NLGN1: variants seen among roughly 807,000 people sequenced by gnomAD.
The protein encoded by NLGN1 is neuroligin-1.
NLGN1 carries 12 observed loss-of-function variants against 65.5 expected under a neutral mutation model. The ratio of observed to expected loss-of-function variants is 0.18; its 90% CI spans 0.12 to 0.30. The LOEUF (loss-of-function observed/expected upper bound fraction) is 0.30, where lower values mean the gene tolerates loss of function less well. NLGN1 is among the 10% of genes least tolerant of loss of function. NLGN1 has a pLI of 1.00. For synonymous variants in NLGN1, 350 were observed against 359.5 expected (o/e 0.97, Z 0.30); for missense variants, 750 against 1,007.1 (o/e 0.74, Z 3.46).
chr3:173,791,315 A>G (rs138768679), intron 3 of NLGN1, among the ~76,000 whole-genome samples: 247 of 152,278 alleles, frequency 1.6e-3, no homozygotes, highest in African/African-American at 5.7e-3. Context: ...ATGACTATCC[A>G]TTAGCCCTAG....
chr3:173,658,221 A>T (rs1055436999), intron 3 of NLGN1, among the ~76,000 whole-genome samples: 2 of 151,998 alleles, frequency 1.3e-5, no homozygotes, highest in Non-Finnish European at 2.9e-5. Flanking sequence ...TTGCAGATAG[A>T]TGTCCTAACT....
chr3:173,648,745 T>C (rs1758671184), intron 3 of NLGN1, among the ~76,000 whole-genome samples: 1 of 152,070 alleles, frequency 6.6e-6, no homozygotes, highest in Non-Finnish European at 1.5e-5. Context: ...CAGCTAATTT[T>C]TGTATTTTTA....
At chr3:174,082,630 T>C (rs1742469499) in intron 4 of NLGN1, among the ~76,000 whole-genome samples, 1 of 151,886 alleles carries the variant, frequency 6.6e-6, no homozygotes, top group African/African-American at 2.4e-5. Context: ...AGATTGGAGC[T>C]TTGTTTTAAA....
intron 4 of NLGN1, among the ~76,000 whole-genome samples, chr3:174,075,178 G>T: frequency 6.6e-6 from 1 of 151,966 alleles, no homozygotes; most frequent in East Asian, 1.9e-4. Context: ...TTCTTACAAT[G>T]GTCGAACTTA....
At chr3:173,890,174 C>T (rs1735070383) in intron 4 of NLGN1, among the ~76,000 whole-genome samples, 1 of 152,078 alleles carries the variant, frequency 6.6e-6, no homozygotes, top group Non-Finnish European at 1.5e-5. Context: ...ACTTGGGTTG[C>T]AGGAGGAAAT....
chr3:174,081,802 C>A (rs1422264940), intron 4 of NLGN1, among the ~76,000 whole-genome samples: 1 of 152,088 alleles, frequency 6.6e-6, no homozygotes, highest in Non-Finnish European at 1.5e-5. Flanking sequence ...AACTCCCGAT[C>A]TCAGGTGATC....
At chr3:173,618,862 A>G (rs1442942921) in intron 3 of NLGN1, among the ~76,000 whole-genome samples, 3 of 152,092 alleles carry the variant, frequency 2.0e-5, no homozygotes, top group African/African-American at 7.2e-5. Context: ...TGGCAGCGAG[A>G]TCAACTGGAT....
chr3:174,017,323 T>G (rs546991860), intron 4 of NLGN1, among the ~76,000 whole-genome samples: 2 of 152,300 alleles, frequency 1.3e-5, no homozygotes, highest in East Asian at 3.9e-4. Flanking sequence ...TTTGAACATT[T>G]TATTCAAAGC....
chr3:173,403,794 C>T (rs1051559482), intron 1 of NLGN1, among the ~76,000 whole-genome samples: 26 of 151,982 alleles, frequency 1.7e-4, no homozygotes, highest in Non-Finnish European at 3.7e-4. Flanking sequence ...TAAATCGTAG[C>T]TGCTTCAAAT....
At chr3:173,740,627 A>G (rs570196001) in intron 3 of NLGN1, among the ~76,000 whole-genome samples, 31 of 152,212 alleles carry the variant, frequency 2.0e-4, no homozygotes, top group Admixed American at 1.0e-3. Context: ...AGTAAAAAAA[A>G]TTACAGCGAG....
intron 4 of NLGN1, among the ~76,000 whole-genome samples, chr3:174,166,629 T>C (rs538361161): frequency 5.5e-4 from 84 of 152,154 alleles, no homozygotes; most frequent in Non-Finnish European, 1.1e-3. Context: ...GTATTTTCGG[T>C]GTGCAGATGA....
chr3:173,615,927 C>A (rs1412643026), intron 3 of NLGN1, among the ~76,000 whole-genome samples: 1 of 151,818 alleles, frequency 6.6e-6, no homozygotes, highest in Non-Finnish European at 1.5e-5. Flanking sequence ...AGTGCAGAGC[C>A]CTGGGGTAGG....
At chr3:174,225,280 T>G (rs1480347579) in intron 4 of NLGN1, among the ~76,000 whole-genome samples, 1 of 152,132 alleles carries the variant, frequency 6.6e-6, no homozygotes, top group Non-Finnish European at 1.5e-5. Flanking sequence ...CTTCCAGGGA[T>G]CTCATGTAAA....
At chr3:174,104,131 C>A (rs886703399) in intron 4 of NLGN1, among the ~76,000 whole-genome samples, 1 of 152,000 alleles carries the variant, frequency 6.6e-6, no homozygotes, top group Non-Finnish European at 1.5e-5. Flanking sequence ...GGTTTCAAAT[C>A]GTCCTTCTTT....
At chr3:173,452,227 G>A (rs1054727822) in intron 2 of NLGN1, among the ~76,000 whole-genome samples, 7 of 148,910 alleles carry the variant, frequency 4.7e-5, no homozygotes, top group South Asian at 4.2e-4. Flanking sequence ...ATGGAGTCTC[G>A]CTCTGTTGCC....
intron 4 of NLGN1, among the ~76,000 whole-genome samples, chr3:173,850,213 A>G (rs1485719776): frequency 3.3e-5 from 5 of 152,164 alleles, no homozygotes; most frequent in Non-Finnish European, 5.9e-5. Context: ...CCATTTATTC[A>G]TATATATCTT....
intron 1 of NLGN1, among the ~76,000 whole-genome samples, chr3:173,414,085 G>T (rs2148661906): frequency 6.6e-6 from 1 of 152,276 alleles, no homozygotes; most frequent in South Asian, 2.1e-4. Flanking sequence ...ATTGTATTAG[G>T]ATGTGAACAT....
intron 5 of NLGN1, among the ~76,000 whole-genome samples, chr3:174,277,124 A>G (rs1326353928): frequency 6.6e-6 from 1 of 151,920 alleles, no homozygotes; most frequent in Non-Finnish European, 1.5e-5. Flanking sequence ...AAATCTGTCT[A>G]TCCCTGGAAA....
intron 4 of NLGN1, among the ~76,000 whole-genome samples, chr3:174,130,968 C>T (rs954088133): frequency 3.3e-5 from 5 of 152,074 alleles, no homozygotes; most frequent in African/African-American, 1.2e-4. Context: ...GGGATATAAA[C>T]TTTTTTCTGT....
Sources: allele counts gnomAD v4.1 joint callset (sites outside exome capture counted in the v4.1 genomes callset), GRCh38; gene constraint gnomAD v4.1.1; transcripts MANE v1.5; gene names NCBI Gene and HGNC (gene_info 2026-07-23, HGNC 2026-07-21).